The following HNRNPF variants were observed in gnomAD, a reference collection of about 807,000 sequenced individuals.
HNRNPF encodes HnRNP F protein.
Under a neutral mutation model 26.0 loss-of-function variants are expected in HNRNPF, and 2 were observed. That is an observed-to-expected ratio of 0.08 (90% CI 0.03 to 0.24). The LOEUF (loss-of-function observed/expected upper bound fraction) is 0.24. Among genes scored for constraint, HNRNPF ranks in the 10% least tolerant of loss-of-function variants. The pLI, the probability that HNRNPF is intolerant of heterozygous loss-of-function variation, is 1.00. For synonymous variants in HNRNPF, 234 were observed against 211.5 expected, an observed-to-expected ratio of 1.11 and a Z score of -0.92; for missense variants, 299 against 539.2, an observed-to-expected ratio of 0.55 and a Z score of 4.41.
At chr10:43,397,632 AT>A (rs1235929238) in intron 1 of HNRNPF, among the ~76,000 whole-genome samples, 2 of 152,158 alleles carry the variant, frequency 1.3e-5, no homozygotes, top group Non-Finnish European at 2.9e-5. Flanking sequence ...ACACGTAAAG[AT>A]TTTGAAAAAA....
At chr10:43,401,008 G>GGAGGC in intron 1 of HNRNPF, among the ~76,000 whole-genome samples, 1 of 152,322 alleles carries the variant, frequency 6.6e-6, no homozygotes, top group East Asian at 1.9e-4. Context: ...TGTGAACCCG[G>GGAGGC]GAGGCGGAAC....
intron 1 of HNRNPF, among the ~76,000 whole-genome samples, chr10:43,405,543 C>A (rs905330609): frequency 4.1e-4 from 62 of 151,916 alleles, no homozygotes; most frequent in African/African-American, 1.5e-3. Flanking sequence ...GTAGTCCCAG[C>A]AACTCGGGAG....
intron 1 of HNRNPF, among the ~76,000 whole-genome samples, chr10:43,405,485 C>T (rs1446491364): frequency 6.6e-6 from 1 of 151,942 alleles, no homozygotes; most frequent in African/African-American, 2.4e-5. Context: ...TGAAACCCCG[C>T]CTCTACTAAA....
chr10:43,407,147 ACTACGCTTT>A (rs1838946403), intron 1 of HNRNPF, among the ~76,000 whole-genome samples: 1 of 151,736 alleles, frequency 6.6e-6, no homozygotes, highest in African/African-American at 2.4e-5. Context: ...ACGACTGAAA[ACTACGCTTT>A]CAGAACTCCC....
chr10:43,402,496 C>CA (rs1441794641), intron 1 of HNRNPF, among the ~76,000 whole-genome samples: 1 of 152,208 alleles, frequency 6.6e-6, no homozygotes, highest in African/African-American at 2.4e-5. Flanking sequence ...TCAACACCCT[C>CA]ATCTTAAGAC....
At position 43,387,781 on chromosome 10, in the gene HNRNPF, G is replaced by A. The variant is rs757312493; in HGVS notation, c.104C>T (p.Thr35Met). 2.5e-6 allele frequency: 4 copies of A among 1,613,986 alleles called. No homozygotes were observed. Among genetic ancestry groups the A allele is most frequent in the East Asian group, 2.2e-5 (1 of 44,872 alleles). Residue 35 changes from threonine (T) to methionine (M), a missense_variant, in exon 4 of 4, where the codon ACG becomes ATG. Around this residue, in one of 6 missense-constraint regions of HNRNPF, gnomAD observed 104 missense variants for 239.0 expected, o/e 0.44. Coordinates refer to ENST00000682386, the MANE Select transcript of HNRNPF (RefSeq NM_001098204.2). This position sits in a 1 kb window ranked among gnomAD's most constrained non-coding sequence, Gnocchi z 6.0. ...GACACCTGCGGCCCCATCATGAATC[G>A]TGCAGTCAGAGAGGAAGTTCTGCAC... is the stretch of plus-strand genomic sequence containing the variant. ...EDVQNFLSDC[T>M]IHDGAAGVHF...
intron 1 of HNRNPF, among the ~76,000 whole-genome samples, chr10:43,405,092 G>A (rs1229886272): frequency 6.6e-6 from 1 of 152,154 alleles, no homozygotes; most frequent in East Asian, 1.9e-4. Flanking sequence ...ATTTTGACAA[G>A]TTCACAGGAT....
intron 1 of HNRNPF, chr10:43,396,912 AGG>A (rs1838556760): frequency 8.3e-4 from 4 of 4,826 alleles, no homozygotes; most frequent in Admixed American, 6.5e-3. Flanking sequence ...AGGGGAGGGG[AGG>A]GGAGGGGGCC....
At chr10:43,405,658 GAAAA>G (rs369988672) in intron 1 of HNRNPF, among the ~76,000 whole-genome samples, 1 of 144,694 alleles carries the variant, frequency 6.9e-6, no homozygotes, top group African/African-American at 2.5e-5. Flanking sequence ...TTCCGTCTCG[GAAAA>G]AAAAAAAAAT....
At chr10:43,393,113 A>G (rs1444635188) in intron 3 of HNRNPF, among the ~76,000 whole-genome samples, 1 of 152,198 alleles carries the variant, frequency 6.6e-6, no homozygotes, top group Non-Finnish European at 1.5e-5. Context: ...TCAGCAATAA[A>G]GGTGCCTCAC....
At chr10:43,397,808 A>C (rs954761855) in intron 1 of HNRNPF, among the ~76,000 whole-genome samples, 1 of 152,320 alleles carries the variant, frequency 6.6e-6, no homozygotes, top group Admixed American at 6.5e-5. Flanking sequence ...TTTTGTTGTC[A>C]TTATACTGTA....
chr10:43,387,736 T>A lies in HNRNPF; in HGVS notation c.149A>T (p.Glu50Val). ...AAGVHFIYTR[E>V]GRQSGEAFVE... Reference sequence around the variant, plus strand: ...AAAAGCCTCACCACTCTGCCTGCCCTCTCTAGTGTAGATGAAATGGACACC... The same window carrying A: ...AAAAGCCTCACCACTCTGCCTGCCCACTCTAGTGTAGATGAAATGGACACC... The change falls in exon 4 of 4, where the codon GAG becomes GTG. Residue 50 changes from glutamate (E) to valine (V), a missense_variant. This residue lies in a region of HNRNPF where 104 missense variants were observed against 239.0 expected (regional missense o/e 0.44). Transcript: ENST00000682386. This position sits in a 1 kb window ranked among gnomAD's most constrained non-coding sequence, Gnocchi z 6.0. 1 of 1,614,122 alleles carries A rather than the reference T, an allele frequency of 6.2e-7. No homozygotes were observed.
At chr10:43,388,487 T>C (rs533617981) in intron 3 of HNRNPF, among the ~76,000 whole-genome samples, 7 of 152,328 alleles carry the variant, frequency 4.6e-5, no homozygotes, top group East Asian at 1.9e-4. Flanking sequence ...CCACTGTCTA[T>C]GGAGTTATGA....
At chr10:43,401,174 G>A (rs1471084248) in intron 1 of HNRNPF, among the ~76,000 whole-genome samples, 1 of 152,154 alleles carries the variant, frequency 6.6e-6, no homozygotes, top group East Asian at 1.9e-4. Context: ...CCACCAAAGG[G>A]GATCTGTCCT....
At chr10:43,396,945 C>T (rs551334907) in intron 1 of HNRNPF, 1 of 147,560 alleles carries the variant, frequency 6.8e-6, no homozygotes, top group Admixed American at 6.7e-5. Context: ...TTCCGGGGCC[C>T]TGAGGGCGAG....
chr10:43,386,495 GAA>G lies in HNRNPF; in HGVS notation c.*140_*141del. ...AGAAAATTTTGCATGAGAAAACACT[GAA>G]GAGGTAATTTTTTAATCCAGATTTT... On this transcript the variant is annotated 3_prime_UTR_variant, in exon 4 of 4. Transcript: ENST00000682386. The G allele has an allele frequency of 2.6e-6, 2 of 763,672 alleles. No individual in the cohort carries two copies. Among genetic ancestry groups the G allele is most frequent in the South Asian group, 2.4e-5 (1 of 41,674 alleles). The allele number at this position is 763,672 out of a possible 1,614,324, so 47.3% of individuals were successfully genotyped here. A position where few individuals can be genotyped will look rare whatever the true frequency, so the allele number is the denominator to read the frequency against.
Position 43,387,525 on chromosome 10 carries a change from A to G in HNRNPF, c.360T>C (p.Phe120=). Residue 120 remains phenylalanine, a synonymous_variant, in exon 4 of 4, where the codon TTT becomes TTC. Transcript: ENST00000682386. This position sits in a 1 kb window ranked among gnomAD's most constrained non-coding sequence, Gnocchi z 6.0. Reference sequence around the variant, plus strand: ...GAACAATTTCTTCCTTTGTGCATCCAAATGGGAGTCCTCGAAGCCGCACGA... The same window carrying G: ...GAACAATTTCTTCCTTTGTGCATCCGAATGGGAGTCCTCGAAGCCGCACGA... ...DGFVRLRGLP[F]GCTKEEIVQF... The G allele has an allele frequency of 6.2e-7, 1 of 1,614,226 alleles. No homozygotes were observed. Among genetic ancestry groups the G allele is most frequent in the Non-Finnish European group, 8.5e-7 (1 of 1,180,046 alleles).
In HNRNPF at chr10:43,387,224, C is replaced by T; in HGVS notation, c.661G>A (p.Gly221Ser). 6.2e-7 allele frequency: 1 copy of T among 1,614,172 alleles called. No individual in the cohort carries two copies. The highest frequency in any genetic ancestry group is 8.5e-7 in the Non-Finnish European group (1 of 1,180,006). Reference sequence around the variant, plus strand: ...TCCAGGCCTGCCTGCTTCACGATGCCAATGTACCTCCTGGCAGTCCCGGGC... The same window carrying T: ...TCCAGGCCTGCCTGCTTCACGATGCTAATGTACCTCCTGGCAGTCCCGGGC... ...DRPGTARRYIGIVKQAGLERM... is the reference protein window; with the variant it reads ...DRPGTARRYISIVKQAGLERM... Residue 221 changes from glycine to serine, a missense_variant, in exon 4 of 4, where the codon GGC (glycine) becomes AGC (serine). Gly to Ser is a moderately conservative substitution (Grantham distance 56, BLOSUM62 0). Coordinates refer to ENST00000682386, the MANE Select transcript of HNRNPF (RefSeq NM_001098204.2). The surrounding 1 kb of genome is among the most constrained non-coding windows in gnomAD (Gnocchi z 6.0).
rs1838057699 is a variant in HNRNPF, at chr10:43,387,132, A to C, written c.753T>G (p.Asp251Glu). 6.2e-7 allele frequency: 1 copy of C among 1,613,964 alleles called. No homozygotes were observed. Among genetic ancestry groups the C allele is most frequent in the African/African-American group, 1.3e-5 (1 of 74,944 alleles). ...ACAGGTCGGTGGTGAAGCCGTAGCC[A>C]TCACTGAGGCCACTGTACTCCTCGT... Reference protein sequence around the residue: ...GGYEEYSGLSDGYGFTTDLFG... With the variant: ...GGYEEYSGLSEGYGFTTDLFG... Residue 251 changes from aspartate (D) to glutamate (E), a missense_variant, in exon 4 of 4, where the codon GAT becomes GAG. Asp to Glu is a conservative substitution (Grantham distance 45). This residue lies in a region of HNRNPF where 74 missense variants were observed against 77.7 expected (regional missense o/e 0.95). Transcript: ENST00000682386. The surrounding 1 kb of genome is among the most constrained non-coding windows in gnomAD (Gnocchi z 6.0).
Sources: gnomAD v4.1 joint callset for allele counts (sites outside exome capture counted in the v4.1 genomes callset) on GRCh38, gnomAD v4.1.1 for gene constraint, gnomAD v4.1.1 regional missense constraint, Gnocchi (gnomAD v3.1) non-coding constraint, MANE v1.5 for transcripts, NCBI Gene and HGNC (gene_info 2026-07-23, HGNC 2026-07-21) for gene names.